PKN2: variants seen among roughly 807,000 people sequenced by gnomAD.
PKN2 encodes the protein serine/threonine-protein kinase N2.
Under a neutral mutation model 119.1 loss-of-function variants are expected in PKN2, and 38 were observed. That is an observed-to-expected ratio of 0.32 (90% CI 0.25 to 0.42). PKN2 has a LOEUF of 0.42. Among genes scored for constraint, PKN2 ranks in the 10% least tolerant of loss-of-function variants. The pLI, the probability that PKN2 is intolerant of heterozygous loss-of-function variation, is 1.00. For synonymous variants in PKN2, 390 were observed against 384.9 expected (o/e 1.01, Z -0.15); for missense variants, 850 against 1,165.1 (o/e 0.73, Z 3.94).
At chr1:88,684,983 T>C (rs2100632738) in intron 1 of PKN2, 2 of 220,934 alleles carry the variant, frequency 9.1e-6, no homozygotes, top group East Asian at 8.8e-5. Flanking sequence ...ACGCCCCTGT[T>C]GCCCCCTCCC....
At chr1:88,786,286 C>G (rs946366181) in intron 8 of PKN2, 73 bp downstream of exon 8, 1 of 729,800 alleles carries the variant, frequency 1.4e-6, no homozygotes, top group Non-Finnish European at 2.3e-6. Context: ...TTTTAGAAGG[C>G]TTCAACAAGT....
chr1:88,785,295 AT>A (rs1022395635), intron 7 of PKN2, among the ~76,000 whole-genome samples: 1 of 151,226 alleles, frequency 6.6e-6, no homozygotes, highest in Non-Finnish European at 1.5e-5. Context: ...TGCCTGGCTA[AT>A]TTTTTTTTCT....
At chr1:88,748,678 A>C (rs1238287022) in intron 2 of PKN2, among the ~76,000 whole-genome samples, 1 of 152,106 alleles carries the variant, frequency 6.6e-6, no homozygotes, top group Non-Finnish European at 1.5e-5. Flanking sequence ...CTCATGTCTA[A>C]AATCTCAGCA....
chr1:88,724,981 C>G (rs113355000), intron 1 of PKN2, among the ~76,000 whole-genome samples: 1 of 150,892 alleles, frequency 6.6e-6, no homozygotes, highest in Admixed American at 6.6e-5. Context: ...ACTGCAGCCT[C>G]CCCATCCCAG....
chr1:88,784,009 G>A (rs1354358629), intron 6 of PKN2, among the ~76,000 whole-genome samples: 2 of 151,806 alleles, frequency 1.3e-5, no homozygotes, highest in Non-Finnish European at 2.9e-5. Context: ...CAATTTTTAT[G>A]TGCCATTTTA....
rs773778949 is a variant in PKN2, at chr1:88,784,838, AT to A, written c.1171+19del. The A allele has an allele frequency of 1.9e-6, 3 of 1,545,186 alleles. No individual in the cohort carries two copies. Among genetic ancestry groups the A allele is most frequent in the Non-Finnish European group, 2.6e-6 (3 of 1,136,726 alleles). ...ATGACTTGTCCAGTTCAGTAACCAG[AT>A]TTTTAAAAATCATGTAACAAACTAA... On this transcript the variant is annotated intron_variant, in intron 7 of 21. Coordinates refer to ENST00000370521, the MANE Select transcript of PKN2 (RefSeq NM_006256.4).
chr1:88,818,937 C>G (rs1054104441), intron 16 of PKN2, among the ~76,000 whole-genome samples: 1 of 151,708 alleles, frequency 6.6e-6, no homozygotes, highest in South Asian at 2.1e-4. Flanking sequence ...GGAAAGAATT[C>G]CCTATTTAAT....
At chr1:88,697,981 A>G (rs1666609990) in intron 1 of PKN2, among the ~76,000 whole-genome samples, 1 of 152,116 alleles carries the variant, frequency 6.6e-6, no homozygotes, top group Non-Finnish European at 1.5e-5. Context: ...TCTAGGCTTA[A>G]TGCTTAAAAT....
At chr1:88,808,712 T>A (rs1338485431) in intron 15 of PKN2, among the ~76,000 whole-genome samples, 3 of 152,182 alleles carry the variant, frequency 2.0e-5, no homozygotes, top group African/African-American at 7.2e-5. Context: ...AATATGGACA[T>A]TATTGTATAA....
At chr1:88,796,897 A>G (rs1007904787) in intron 8 of PKN2, among the ~76,000 whole-genome samples, 1 of 152,124 alleles carries the variant, frequency 6.6e-6, no homozygotes, top group South Asian at 2.1e-4. Context: ...AATGAAAATA[A>G]TTAAAACTGA....
In PKN2 at chr1:88,833,426, A is replaced by G; in HGVS notation, c.2933A>G (p.Asp978Gly). Reference sequence around the variant, plus strand: ...GAGCAGGAAATGTTCAGAGATTTTGACTACATTGCTGATTGGTGTTAAGTT... The same window carrying G: ...GAGCAGGAAATGTTCAGAGATTTTGGCTACATTGCTGATTGGTGTTAAGTT... Reference protein sequence around the residue: ...EEEQEMFRDFDYIADWC With the variant: ...EEEQEMFRDFGYIADWC Residue 978 changes from aspartate to glycine, a missense_variant, in exon 22 of 22, where the codon GAC (aspartate) becomes GGC (glycine). Around this residue, in one of 9 missense-constraint regions of PKN2, gnomAD observed 52 missense variants for 39.9 expected, o/e 1.30. Transcript: ENST00000370521. The G allele has an allele frequency of 1.9e-6, 3 of 1,613,200 alleles. No homozygotes were observed. The highest frequency in any genetic ancestry group is 2.5e-6 in the Non-Finnish European group (3 of 1,179,324).
At chr1:88,706,862 C>T (rs1667025031) in intron 1 of PKN2, among the ~76,000 whole-genome samples, 1 of 152,122 alleles carries the variant, frequency 6.6e-6, no homozygotes, top group African/African-American at 2.4e-5. Flanking sequence ...AATTTGTGGA[C>T]ATTTGTCCAG....
chr1:88,822,134 C>T, intron 17 of PKN2, 131 bp downstream of exon 17: 1 of 803,512 alleles, frequency 1.2e-6, no homozygotes, highest in Non-Finnish European at 1.8e-6. Flanking sequence ...GTAAGTCAAA[C>T]CCCAATGTTG....
At chr1:88,737,261 A>T (rs1668388678) in intron 1 of PKN2, among the ~76,000 whole-genome samples, 1 of 152,110 alleles carries the variant, frequency 6.6e-6, no homozygotes, top group African/African-American at 2.4e-5. Flanking sequence ...GACAGTAGTG[A>T]TGTACCCCTG....
At chr1:88,760,819 G>A (rs1361074654) in intron 3 of PKN2, among the ~76,000 whole-genome samples, 1 of 151,634 alleles carries the variant, frequency 6.6e-6, no homozygotes, top group Non-Finnish European at 1.5e-5. Context: ...TTTAAAAATT[G>A]TTTATTCCTA....
intron 1 of PKN2, among the ~76,000 whole-genome samples, chr1:88,735,610 C>T (rs954201207): frequency 2.2e-5 from 2 of 91,274 alleles, no homozygotes; most frequent in South Asian, 4.4e-4. Context: ...CCACCCCCCC[C>T]CCCCCCACCC....
chr1:88,765,684 A>G (rs1006994848), intron 3 of PKN2, among the ~76,000 whole-genome samples: 1 of 152,220 alleles, frequency 6.6e-6, no homozygotes, highest in Non-Finnish European at 1.5e-5. Context: ...CGTCGTCGTT[A>G]TAAAAGCACT....
At position 88,807,094 on chromosome 1, in the gene PKN2, T is replaced by C. The variant is rs542756681; in HGVS notation, c.1804-219T>C. 7.4e-4 allele frequency among the ~76,000 whole-genome samples: 112 copies of C among 152,176 alleles called. No homozygotes were observed. The East Asian group carries it at 0.015, about 20-fold the overall frequency. On this transcript the variant is annotated intron_variant, in intron 12 of 21. Transcript: ENST00000370521. ...TACTCGGGAGGCTGAGGTAGGAGGA[T>C]TGCTTGTGGCTGGGAATTCAAGACC...
chr1:88,761,059 G>A (rs919458524), intron 3 of PKN2, among the ~76,000 whole-genome samples: 1 of 152,148 alleles, frequency 6.6e-6, no homozygotes, highest in East Asian at 1.9e-4. Flanking sequence ...GCCTAGACCT[G>A]TGCATTCTTG....
Sources: gnomAD v4.1 joint callset for allele counts (sites outside exome capture counted in the v4.1 genomes callset) on GRCh38, gnomAD v4.1.1 for gene constraint, gnomAD v4.1.1 regional missense constraint, MANE v1.5 for transcripts, NCBI Gene and HGNC (gene_info 2026-07-23, HGNC 2026-07-21) for gene names.